The following DIP2B variants were observed in gnomAD, a reference collection of about 807,000 sequenced individuals.
DIP2B encodes disco-interacting protein 2 homolog B.
DIP2B carries 76 observed loss-of-function variants against 198.0 expected under a neutral mutation model. The ratio of observed to expected loss-of-function variants is 0.38; its 90% CI spans 0.32 to 0.46. DIP2B has a LOEUF of 0.46. Ranked by LOEUF, DIP2B falls within the 20% of genes least tolerant of loss-of-function variation. The probability of loss-of-function intolerance (pLI) is 0.99; values close to 1 mark genes in which losing one functional copy is unlikely to be tolerated. For missense variants in DIP2B, 1,559 were observed against 1,978.4 expected (o/e 0.79, Z 4.02); for synonymous variants, 701 against 739.1 (o/e 0.95, Z 0.84).
intron 1 of DIP2B, among the ~76,000 whole-genome samples, chr12:50,535,769 A>G (rs541739632): frequency 1.1e-3 from 174 of 151,764 alleles, no homozygotes; most frequent in Non-Finnish European, 2.2e-3. Flanking sequence ...ACATATCTAT[A>G]CATGTGCCAC....
At chr12:50,521,060 T>A (rs1480185459) in intron 1 of DIP2B, among the ~76,000 whole-genome samples, 1 of 151,566 alleles carries the variant, frequency 6.6e-6, no homozygotes, top group Non-Finnish European at 1.5e-5. Context: ...TATTAATCTC[T>A]TCTATTTTTA....
rs187475150 is a variant in DIP2B at position 50,601,489 on chromosome 12, C to T, written c.101-24487C>T. Among the ~76,000 whole-genome samples the T allele has an allele frequency of 3.0e-4, 45 of 151,964 alleles. 1 individual carries two copies. The East Asian group carries it at 3.9e-3, about 13-fold the overall frequency. ...CCTCCTGAGTAGCTGAGACTAGAGACGCCCAGCTAATTTTTTTCTTTTGTA... is the reference window on the plus strand; with the variant it reads ...CCTCCTGAGTAGCTGAGACTAGAGATGCCCAGCTAATTTTTTTCTTTTGTA... On this transcript the variant is annotated intron_variant, in intron 1 of 37. Transcript: ENST00000301180.
intron 1 of DIP2B, among the ~76,000 whole-genome samples, chr12:50,559,979 G>A (rs983572163): frequency 2.0e-5 from 3 of 151,864 alleles, no homozygotes; most frequent in African/African-American, 2.4e-5. Context: ...GTTTACAATC[G>A]AGAATGATCT....
chr12:50,714,581 C>T lies in DIP2B; in HGVS notation c.2836C>T (p.Arg946Trp). Residue 946 changes from arginine (R) to tryptophan (W), a missense_variant, in exon 23 of 38, where the codon CGG becomes TGG. Transcript: ENST00000301180. ...HTCVTNLPKP[R>W]QKQPGVGPAS... ...ATGTGTGACAAACTTGCCAAAGCCCCGGCAAAAACAACCAGGTAATATGCT... is the reference window on the plus strand; with the variant it reads ...ATGTGTGACAAACTTGCCAAAGCCCTGGCAAAAACAACCAGGTAATATGCT... 4 of 1,614,022 alleles carry T rather than the reference C, an allele frequency of 2.5e-6. No homozygotes were observed. Among genetic ancestry groups the T allele is most frequent in the Non-Finnish European group, 3.4e-6 (4 of 1,179,948 alleles).
chr12:50,719,731 C>T (rs1939798440), intron 25 of DIP2B, among the ~76,000 whole-genome samples: 1 of 151,614 alleles, frequency 6.6e-6, no homozygotes, highest in Non-Finnish European at 1.5e-5. Flanking sequence ...ATCCCAGCTA[C>T]TCGGGAGGCC....
intron 1 of DIP2B, among the ~76,000 whole-genome samples, chr12:50,559,709 C>CCACACACACT (rs1958501627): frequency 7.2e-6 from 1 of 139,520 alleles, no homozygotes; most frequent in Non-Finnish European, 1.5e-5. Context: ...GTGACAGAAA[C>CCACACACACT]CACACACACA....
At chr12:50,627,600 G>GT (rs1279768325) in intron 2 of DIP2B, among the ~76,000 whole-genome samples, 1 of 152,180 alleles carries the variant, frequency 6.6e-6, no homozygotes, top group Non-Finnish European at 1.5e-5. Flanking sequence ...GAGTGTGGGG[G>GT]TTATAGGTGT....
chr12:50,580,285 C>T (rs545913220), intron 1 of DIP2B, among the ~76,000 whole-genome samples: 1 of 148,926 alleles, frequency 6.7e-6, no homozygotes, highest in South Asian at 2.2e-4. Flanking sequence ...TCATTTCATT[C>T]TGATTCATTC....
At chr12:50,683,558 GA>G (rs1463985882) in intron 10 of DIP2B, among the ~76,000 whole-genome samples, 4 of 152,204 alleles carry the variant, frequency 2.6e-5, no homozygotes, top group African/African-American at 9.6e-5. Flanking sequence ...GAGGCGGGGG[GA>G]TCACAAGGTC....
chr12:50,552,738 G>T (rs1381943879), intron 1 of DIP2B, among the ~76,000 whole-genome samples: 1 of 151,960 alleles, frequency 6.6e-6, no homozygotes, highest in African/African-American at 2.4e-5. Flanking sequence ...GCCAAATCCA[G>T]TATTATTAAG....
At chr12:50,584,489 C>G (rs1958752762) in intron 1 of DIP2B, among the ~76,000 whole-genome samples, 1 of 152,206 alleles carries the variant, frequency 6.6e-6, no homozygotes, top group Non-Finnish European at 1.5e-5. Context: ...TTCTGTGCTT[C>G]CATTTTTGTC....
intron 1 of DIP2B, among the ~76,000 whole-genome samples, chr12:50,507,239 C>T (rs3934690): frequency 7.0e-4 from 106 of 152,328 alleles, no homozygotes; most frequent in African/African-American, 2.2e-3. Flanking sequence ...AGATATACTA[C>T]ACTTCTTGTA....
At chr12:50,708,603 G>A in intron 22 of DIP2B, 41 bp downstream of exon 22, 1 of 1,478,500 alleles carries the variant, frequency 6.8e-7, no homozygotes, top group Non-Finnish European at 9.3e-7. Flanking sequence ...AGCGGTGGCA[G>A]CAACCACTGC....
chr12:50,510,947 CTT>C (rs56793612), intron 1 of DIP2B, among the ~76,000 whole-genome samples: 4 of 131,098 alleles, frequency 3.1e-5, no homozygotes, highest in Non-Finnish European at 1.6e-5. Context: ...GCCTGGCTTT[CTT>C]TTTTTTTTTT....
At chr12:50,566,909 T>G (rs1958568851) in intron 1 of DIP2B, among the ~76,000 whole-genome samples, 1 of 150,446 alleles carries the variant, frequency 6.6e-6, no homozygotes, top group South Asian at 2.1e-4. Flanking sequence ...GAGGCGGAGC[T>G]TGCAGTGAGC....
At chr12:50,708,626 T>A in intron 22 of DIP2B, 64 bp downstream of exon 22, 1 of 1,349,786 alleles carries the variant, frequency 7.4e-7, no homozygotes, top group Non-Finnish European at 1.0e-6. Context: ...AAGCATTTCA[T>A]TTTCTTCGAT....
intron 8 of DIP2B, chr12:50,679,693 A>G (rs547339788): frequency 6.6e-6 from 1 of 152,360 alleles, no homozygotes; most frequent in East Asian, 1.9e-4. Context: ...TTCACCTCAG[A>G]AGCTGTATAT....
chr12:50,728,530 AT>A lies in DIP2B; in HGVS notation c.3511-14del. 2 of 1,611,580 alleles carry A rather than the reference AT, an allele frequency of 1.2e-6. No homozygotes were observed. Among genetic ancestry groups the A allele is most frequent in the Non-Finnish European group, 1.7e-6 (2 of 1,178,342 alleles). On this transcript the variant is annotated splice_polypyrimidine_tract_variant and intron_variant, in intron 29 of 37. Coordinates refer to ENST00000301180, the MANE Select transcript of DIP2B (RefSeq NM_173602.3). ...TGGGATAACAGTCCCAGCCTGTTCC[AT>A]TTTCCATACTTTCCAGATGTCCCAC... is the stretch of plus-strand genomic sequence containing the variant.
At chr12:50,654,829 A>C (rs1938526955) in intron 3 of DIP2B, among the ~76,000 whole-genome samples, 1 of 152,208 alleles carries the variant, frequency 6.6e-6, no homozygotes, top group African/African-American at 2.4e-5. Flanking sequence ...CTAGGATATG[A>C]ATTCTTAGCT....
Sources: allele counts gnomAD v4.1 joint callset (sites outside exome capture counted in the v4.1 genomes callset), GRCh38; gene constraint gnomAD v4.1.1; transcripts MANE v1.5; gene names NCBI Gene and HGNC (gene_info 2026-07-23, HGNC 2026-07-21).